MTO1: variants seen among roughly 807,000 people sequenced by gnomAD.
MTO1 encodes the protein 5-taurinomethyluridine-[tRNA] synthase subunit MTO1, mitochondrial.
Under a neutral mutation model 71.6 loss-of-function variants are expected in MTO1, and 46 were observed. The ratio of observed to expected loss-of-function variants is 0.64; its 90% CI spans 0.51 to 0.82. The LOEUF is 0.82. MTO1 is among the 40% of genes least tolerant of loss of function. MTO1 has a pLI of 0.00. For missense variants in MTO1, 773 were observed against 867.5 expected, an observed-to-expected ratio of 0.89 and a Z score of 1.37; for synonymous variants, 297 against 312.1, an observed-to-expected ratio of 0.95 and a Z score of 0.51.
chr6:73,480,563 C>T, intron 6 of MTO1, 112 bp from the exon 7 acceptor site: 9 of 1,372,498 alleles, frequency 6.6e-6, no homozygotes, highest in Non-Finnish European at 9.1e-6. Flanking sequence ...AGCCACTGCT[C>T]CTGACCTAAA....
At chr6:73,479,670 T>A in intron 4 of MTO1, 62 bp from the exon 5 acceptor site, 5 of 1,333,424 alleles carry the variant, frequency 3.7e-6, no homozygotes, top group Non-Finnish European at 5.3e-6. Flanking sequence ...TGGAATTTAT[T>A]TGGATAAGAG....
At chr6:73,484,200 C>T (rs1771592415) in intron 9 of MTO1, among the ~76,000 whole-genome samples, 1 of 152,178 alleles carries the variant, frequency 6.6e-6, no homozygotes, top group Non-Finnish European at 1.5e-5. Context: ...CAGGGGATCT[C>T]ATTCATAGAA....
chr6:73,504,953 G>T lies in MTO1; in HGVS notation c.*4218G>T, dbSNP rs187933259. On this transcript the variant is annotated 3_prime_UTR_variant, in exon 12 of 12. Coordinates refer to ENST00000498286, the MANE Select transcript of MTO1 (RefSeq NM_012123.4). ...ATTTTGGGATTACAAATCTGCCAGC[G>T]CAAGCAGATCACTTGAGGATAGGAG... The T allele has an allele frequency of 2.0e-5, 3 of 151,634 alleles. No homozygotes were observed. The East Asian group carries it at 5.8e-4, about 30-fold the overall frequency. 9.4% of individuals were successfully genotyped at this position (151,634 alleles called of 1,614,324 possible).
chr6:73,503,897 G>GATTGGACTA lies in MTO1; in HGVS notation c.*3162_*3163insATTGGACTA, dbSNP rs1366289731. The GATTGGACTA allele has an allele frequency of 5.9e-5, 9 of 152,096 alleles. No homozygotes were observed. Among genetic ancestry groups the GATTGGACTA allele is most frequent in the Non-Finnish European group, 1.2e-4 (8 of 68,018 alleles). 9.4% of individuals were successfully genotyped at this position (152,096 alleles called of 1,614,324 possible). A position where few individuals can be genotyped will look rare whatever the true frequency, so the allele number is the denominator to read the frequency against. On this transcript the variant is annotated 3_prime_UTR_variant, in exon 12 of 12. Transcript: ENST00000498286. The stretch of plus-strand genomic sequence containing the variant: ...TTTAAAAGTATTTTGTCATTTTTTA[G>GATTGGACTA]TTTCAACCTAGATTGGAATAGCCAT...
At chr6:73,478,301 C>G (rs1035503996) in intron 4 of MTO1, among the ~76,000 whole-genome samples, 13 of 149,224 alleles carry the variant, frequency 8.7e-5, no homozygotes, top group African/African-American at 3.2e-4. Context: ...AAGAATTGGC[C>G]AGGCACAGTG....
rs1203059301 is a variant in MTO1 at position 73,504,430 on chromosome 6, G to C, written c.*3695G>C. On this transcript the variant is annotated 3_prime_UTR_variant, in exon 12 of 12. Transcript: ENST00000498286. ...ACAGGCATGAGCCACCATGTGCCTG[G>C]CCCTACCTTAATGTTAATATCTGTC... The C allele has an allele frequency of 6.6e-6, 1 of 152,140 alleles. No individual in the cohort carries two copies. Among genetic ancestry groups the C allele is most frequent in the African/African-American group, 2.4e-5 (1 of 41,426 alleles). The allele number at this position is 152,140 out of a possible 1,614,324, so 9.4% of individuals were successfully genotyped here.
At chr6:73,480,366 A>G in intron 6 of MTO1, 1 of 668,874 alleles carries the variant, frequency 1.5e-6, no homozygotes, top group South Asian at 1.5e-5. Context: ...TCCCCCTGCC[A>G]GGTTCGTGAT....
chr6:73,498,648 A>G (rs545172563), intron 11 of MTO1, among the ~76,000 whole-genome samples: 1 of 152,258 alleles, frequency 6.6e-6, no homozygotes, highest in East Asian at 1.9e-4. Context: ...TGGGCTTCTA[A>G]TAAATGTTTA....
Position 73,466,416 on chromosome 6 carries a change from T to G in MTO1, c.417+8T>G, listed in dbSNP as rs1367881712. 1.2e-6 allele frequency: 2 copies of G among 1,613,946 alleles called. No homozygotes were observed. Reference sequence around the variant, plus strand: ...TATAAACAGAACATGCAGGTAAGAATAGGGCATGAGCACAGGAAAGATTAT... The same window carrying G: ...TATAAACAGAACATGCAGGTAAGAAGAGGGCATGAGCACAGGAAAGATTAT... On this transcript the variant is annotated splice_region_variant and intron_variant, in intron 2 of 11. Coordinates refer to ENST00000498286, the MANE Select transcript of MTO1 (RefSeq NM_012123.4).
intron 4 of MTO1, among the ~76,000 whole-genome samples, chr6:73,475,034 C>T (rs1026885016): frequency 1.3e-5 from 2 of 152,064 alleles, no homozygotes; most frequent in African/African-American, 4.8e-5. Context: ...GCATTACAGG[C>T]GTGAGCCACC....
intron 9 of MTO1, among the ~76,000 whole-genome samples, chr6:73,483,451 ATTTTTATTT>A (rs1771569384): frequency 6.6e-6 from 1 of 151,560 alleles, no homozygotes; most frequent in South Asian, 2.1e-4. Context: ...CTAAATTATT[ATTTTTATTT>A]TTTATATGAT....
chr6:73,475,627 G>T (rs148583024), intron 4 of MTO1, among the ~76,000 whole-genome samples: 1 of 151,366 alleles, frequency 6.6e-6, no homozygotes, highest in Non-Finnish European at 1.5e-5. Flanking sequence ...CAATTCTCCC[G>T]CCTCAGTCTC....
chr6:73,494,184 G>T (rs1162460000), intron 10 of MTO1, among the ~76,000 whole-genome samples: 1 of 151,932 alleles, frequency 6.6e-6, no homozygotes, highest in Non-Finnish European at 1.5e-5. Flanking sequence ...GCAGTGAGCC[G>T]AGATCGCACC....
chr6:73,473,785 G>T (rs1322026954), intron 4 of MTO1, 131 bp downstream of exon 4: 128 of 627,982 alleles, frequency 2.0e-4, no homozygotes, highest in African/African-American at 7.1e-4. Flanking sequence ...GCAAAGAAAT[G>T]ATTTTTTTTT....
rs755211627 is a variant in MTO1 at position 73,480,087 on chromosome 6, T to C, written c.1090T>C (p.Cys364Arg). The change falls in exon 6 of 12, where the codon TGC becomes CGC. Residue 364 changes from cysteine (C) to arginine (R), a missense_variant. Physicochemically the swap from Cys to Arg is radical, Grantham distance 180. Transcript: ENST00000498286. Reference sequence around the variant, plus strand: ...TGAGTTACAAGAGAAAATGATCACATGCATCAGAGGCTTGGAGAAAGCTAA... The same window carrying C: ...TGAGTTACAAGAGAAAATGATCACACGCATCAGAGGCTTGGAGAAAGCTAA... ...PAELQEKMIT[C>R]IRGLEKAKVI... The C allele has an allele frequency of 3.1e-6, 5 of 1,613,994 alleles. No homozygotes were observed. In the East Asian group the frequency reaches 8.9e-5, roughly 29 times the overall value.
At chr6:73,486,638 A>G (rs1313693007) in intron 9 of MTO1, 1 of 427,988 alleles carries the variant, frequency 2.3e-6, no homozygotes. Context: ...CTTGGGAGGC[A>G]GAGGCAGGAG....
Position 73,473,770 on chromosome 6 carries a change from A to G in MTO1, c.825+116A>G, listed in dbSNP as rs928814882. ...AGTTCACTTTATAGCACTATTGCTTATAGTGCAAAGAAATGATTTTTTTTT... is the reference window on the plus strand; with the variant it reads ...AGTTCACTTTATAGCACTATTGCTTGTAGTGCAAAGAAATGATTTTTTTTT... On this transcript the variant is annotated intron_variant, in intron 4 of 11. Transcript: ENST00000498286. 64 of 716,656 alleles carry G rather than the reference A, an allele frequency of 8.9e-5. 1 individual carries two copies. In the East Asian group the frequency reaches 1.1e-3, roughly 12 times the overall value. 44.4% of individuals were successfully genotyped at this position (716,656 alleles called of 1,614,324 possible).
rs115436634 is a variant in MTO1, at chr6:73,470,500, G to A, written c.536-2865G>A. Reference sequence around the variant, plus strand: ...GGATTACAGGCATGAGCCACCGCGCGTGGCCCAGGAGTGTCATCTTTTAAA... The same window carrying A: ...GGATTACAGGCATGAGCCACCGCGCATGGCCCAGGAGTGTCATCTTTTAAA... On this transcript the variant is annotated intron_variant, in intron 3 of 11. Coordinates refer to ENST00000498286, the MANE Select transcript of MTO1 (RefSeq NM_012123.4). Among the ~76,000 whole-genome samples, 479 of 151,984 alleles carry A rather than the reference G, an allele frequency of 3.2e-3. 1 individual carries two copies. The highest frequency in any genetic ancestry group is 0.011 in the African/African-American group (456 of 41,478).
chr6:73,496,296 T>G (rs1382106373), intron 10 of MTO1, among the ~76,000 whole-genome samples: 1 of 152,146 alleles, frequency 6.6e-6, no homozygotes, highest in African/African-American at 2.4e-5. Flanking sequence ...AGGTTTTTAA[T>G]TTAATTTTCT....
Sources: gnomAD v4.1 joint callset for allele counts (sites outside exome capture counted in the v4.1 genomes callset) on GRCh38, gnomAD v4.1.1 for gene constraint, MANE v1.5 for transcripts, NCBI Gene and HGNC (gene_info 2026-07-23, HGNC 2026-07-21) for gene names.